NRG1: variants seen among roughly 807,000 people sequenced by gnomAD.
NRG1 encodes the protein neuregulin 1.
A neutral mutation model predicts 63.8 loss-of-function variants in NRG1; 18 were observed. The observed-to-expected ratio is 0.28, with a 90% CI of 0.19 to 0.42. The LOEUF (loss-of-function observed/expected upper bound fraction) is 0.42, where lower values mean the gene tolerates loss of function less well. NRG1 is among the 10% of genes least tolerant of loss of function. NRG1 has a pLI of 1.00. For missense variants in NRG1, 762 were observed against 814.7 expected (o/e 0.94, Z 0.79); for synonymous variants, 302 against 301.3 (o/e 1.00, Z -0.02).
Position 31,640,651 on chromosome 8 carries a change from T to A in NRG1, c.37+1220T>A. ...CAGCACCAGCCGCGCGCCGGCCGCC[T>A]TCCGAGCCTCTTTCCCCCCTCTGGA... On this transcript the variant is annotated intron_variant, in intron 1 of 10. Transcript: ENST00000519301. The surrounding 1 kb of genome is among the most constrained non-coding windows in gnomAD (Gnocchi z 6.3). 2.5e-6 allele frequency: 4 copies of A among 1,608,778 alleles called. No homozygotes were observed. The highest frequency in any genetic ancestry group is 3.4e-6 in the Non-Finnish European group (4 of 1,178,542).
At chr8:32,160,743 G>C (rs1838733822) in intron 1 of NRG1, among the ~76,000 whole-genome samples, 1 of 152,152 alleles carries the variant, frequency 6.6e-6, no homozygotes, top group Admixed American at 6.5e-5. Flanking sequence ...TTAATTTCTT[G>C]TGTGAACATT....
chr8:32,032,281 G>T (rs1292531962), intron 1 of NRG1, among the ~76,000 whole-genome samples: 19 of 150,580 alleles, frequency 1.3e-4, no homozygotes, highest in Admixed American at 6.6e-5. Context: ...TTTTTTTTGA[G>T]ACAAAGTCTC....
chr8:31,984,115 T>C (rs1371440795), intron 1 of NRG1, among the ~76,000 whole-genome samples: 1 of 152,118 alleles, frequency 6.6e-6, no homozygotes, highest in East Asian at 1.9e-4. Context: ...TCATAGTGGA[T>C]ATTTCCCTCT....
intron 5 of NRG1, among the ~76,000 whole-genome samples, chr8:32,673,569 G>A (rs1806261750): frequency 6.6e-6 from 1 of 151,992 alleles, no homozygotes; most frequent in African/African-American, 2.4e-5. Flanking sequence ...TTAAGTTATG[G>A]CTCTTTGACA....
chr8:32,551,910 C>CT (rs34051371), intron 1 of NRG1, among the ~76,000 whole-genome samples: 32,237 of 112,024 alleles, frequency 0.29, 5,851 homozygotes, highest in East Asian at 0.59. Flanking sequence ...AAAACCAGAG[C>CT]TTTTTTTTTT....
At chr8:32,748,324 T>C (rs1827881638) in intron 7 of NRG1, among the ~76,000 whole-genome samples, 1 of 128,964 alleles carries the variant, frequency 7.8e-6, no homozygotes, top group African/African-American at 2.9e-5. Flanking sequence ...TAGGCGCATG[T>C]ACACGCGCGC....
chr8:32,618,165 G>A (rs922592094), intron 5 of NRG1, among the ~76,000 whole-genome samples: 1 of 151,466 alleles, frequency 6.6e-6, no homozygotes, highest in African/African-American at 2.4e-5. Context: ...TAATTATATG[G>A]ATTTTATGTA....
At chr8:32,439,709 A>G (rs1301929182) in intron 1 of NRG1, among the ~76,000 whole-genome samples, 1 of 152,166 alleles carries the variant, frequency 6.6e-6, no homozygotes, top group African/African-American at 2.4e-5. Flanking sequence ...TTATAATTAT[A>G]TAAAAATTGA....
intron 1 of NRG1, among the ~76,000 whole-genome samples, chr8:31,845,548 T>G (rs1826607239): frequency 6.6e-6 from 1 of 152,174 alleles, no homozygotes; most frequent in Non-Finnish European, 1.5e-5. Flanking sequence ...GAAAATGCTC[T>G]TTTTGTTAGC....
chr8:32,480,032 G>A (rs1391795615), intron 1 of NRG1, among the ~76,000 whole-genome samples: 2 of 152,126 alleles, frequency 1.3e-5, no homozygotes, highest in Non-Finnish European at 2.9e-5. Context: ...CTGTCAAATA[G>A]ACATCCAATA....
At chr8:32,104,655 C>T (rs1599678) in intron 1 of NRG1, among the ~76,000 whole-genome samples, 148,776 of 152,102 alleles carry the variant, frequency 0.98, 72,865 homozygotes, top group East Asian at 1. Context: ...CCTCATTCTA[C>T]AAACTTTTTT....
intron 1 of NRG1, among the ~76,000 whole-genome samples, chr8:32,502,207 C>G (rs939524543): frequency 6.6e-6 from 1 of 151,776 alleles, no homozygotes; most frequent in East Asian, 2.0e-4. Flanking sequence ...GTGGAGTAGG[C>G]GTCTTACATG....
downstream of NRG1, among the ~76,000 whole-genome samples, chr8:32,771,147 G>A (rs780294327): frequency 2.6e-5 from 4 of 151,988 alleles, no homozygotes; most frequent in Non-Finnish European, 4.4e-5. Context: ...GTCTTGATCT[G>A]TCACCCAGAC....
At chr8:32,103,119 T>A (rs775198300) in intron 1 of NRG1, among the ~76,000 whole-genome samples, 23 of 152,336 alleles carry the variant, frequency 1.5e-4, no homozygotes, top group Admixed American at 3.3e-4. Flanking sequence ...TGTCATGCTA[T>A]TAAATGCTAG....
At chr8:31,755,206 T>A (rs1486104856) in intron 1 of NRG1, among the ~76,000 whole-genome samples, 2 of 152,140 alleles carry the variant, frequency 1.3e-5, no homozygotes, top group Non-Finnish European at 2.9e-5. Context: ...TGTGGCCTTA[T>A]CTGTACCATA....
intron 1 of NRG1, among the ~76,000 whole-genome samples, chr8:31,765,382 T>C (rs1023525488): frequency 1.3e-5 from 2 of 152,184 alleles, no homozygotes; most frequent in African/African-American, 4.8e-5. Context: ...ATAAAAGCAG[T>C]GAGAGCAGAA....
chr8:31,691,689 AGT>A (rs1401466003), intron 1 of NRG1, among the ~76,000 whole-genome samples: 2 of 150,502 alleles, frequency 1.3e-5, no homozygotes, highest in Non-Finnish European at 3.0e-5. Flanking sequence ...AATAAGTTAA[AGT>A]GTTTTTTTCT....
chr8:32,365,402 C>A (rs538562910), intron 1 of NRG1, among the ~76,000 whole-genome samples: 2 of 151,708 alleles, frequency 1.3e-5, no homozygotes, highest in Admixed American at 1.3e-4. Context: ...TTAAGATTTA[C>A]GTAGTTGGAT....
At chr8:31,709,081 T>A (rs73239837) in intron 1 of NRG1, among the ~76,000 whole-genome samples, 31,827 of 151,982 alleles carry the variant, frequency 0.21, 3,769 homozygotes, top group Non-Finnish European at 0.26. Flanking sequence ...ATTTATTTTT[T>A]AAAATCTGCA....
Sources: gnomAD v4.1 joint callset for allele counts (sites outside exome capture counted in the v4.1 genomes callset) on GRCh38, gnomAD v4.1.1 for gene constraint, Gnocchi (gnomAD v3.1) non-coding constraint, MANE v1.5 for transcripts, NCBI Gene and HGNC (gene_info 2026-07-23, HGNC 2026-07-21) for gene names.